The following MYO5A variants were observed in gnomAD, a reference collection of about 807,000 sequenced individuals.
MYO5A encodes myosin VA.
In MYO5A, 98 loss-of-function variants were observed where a neutral mutation model predicts 249.7. That is an observed-to-expected ratio of 0.39 (90% CI 0.33 to 0.46). MYO5A has a LOEUF of 0.46. Ranked by LOEUF, MYO5A falls within the 20% of genes least tolerant of loss-of-function variation. The probability of loss-of-function intolerance (pLI) is 0.98; values close to 1 mark genes in which losing one functional copy is unlikely to be tolerated. For missense variants in MYO5A, 1,696 were observed against 2,308.8 expected (o/e 0.73, Z 5.44); for synonymous variants, 778 against 810.6 (o/e 0.96, Z 0.68).
chr15:52,454,068 T>C (rs1374120143), intron 1 of MYO5A, among the ~76,000 whole-genome samples: 1 of 151,666 alleles, frequency 6.6e-6, no homozygotes, highest in African/African-American at 2.4e-5. Flanking sequence ...AGATATAGAG[T>C]GGCTAAATCA....
At chr15:52,406,145 T>G (rs952324659) in intron 8 of MYO5A, among the ~76,000 whole-genome samples, 2 of 152,214 alleles carry the variant, frequency 1.3e-5, no homozygotes, top group Admixed American at 6.5e-5. Flanking sequence ...TCCAGAAAAT[T>G]AGCTATAATT....
At chr15:52,471,022 C>CA (rs55650927) in intron 1 of MYO5A, among the ~76,000 whole-genome samples, 2,060 of 132,942 alleles carry the variant, frequency 0.015, 42 homozygotes, top group African/African-American at 0.054. Context: ...GACTCCATCT[C>CA]AAAAAAAAAA....
In MYO5A at chr15:52,397,575, T is replaced by C. The variant is rs1669875; in HGVS notation, c.1054-109A>G. ...ATAAAATTCAGCAATTTCTTTGTTATAACAAACACCAAGATCACTCAAAGT... is the reference window on the plus strand; with the variant it reads ...ATAAAATTCAGCAATTTCTTTGTTACAACAAACACCAAGATCACTCAAAGT... On this transcript the variant is annotated intron_variant, in intron 9 of 41. Coordinates refer to ENST00000399233, the MANE Select transcript of MYO5A (RefSeq NM_001382347.1). 0.067 allele frequency: 85,646 copies of C among 1,272,826 alleles called. 3,186 individuals carry two copies. The highest frequency in any genetic ancestry group is 0.099 in the South Asian group (8,133 of 81,844). 78.8% of individuals were successfully genotyped at this position (1,272,826 alleles called of 1,614,324 possible).
At chr15:52,360,616 G>A (rs2040471668) in intron 24 of MYO5A, among the ~76,000 whole-genome samples, 1 of 152,154 alleles carries the variant, frequency 6.6e-6, no homozygotes, top group Non-Finnish European at 1.5e-5. Context: ...AGTGAGCAGT[G>A]GGCAGGATGG....
chr15:52,385,511 C>T (rs2141141680), intron 14 of MYO5A, among the ~76,000 whole-genome samples: 1 of 152,022 alleles, frequency 6.6e-6, no homozygotes, highest in East Asian at 1.9e-4. Flanking sequence ...CAGAAGATTT[C>T]TTTATGGTGG....
At chr15:52,457,258 A>G (rs2076136470) in intron 1 of MYO5A, among the ~76,000 whole-genome samples, 1 of 152,168 alleles carries the variant, frequency 6.6e-6, no homozygotes, top group South Asian at 2.1e-4. Context: ...CCTGGGCAAC[A>G]TGGCGAAACC....
chr15:52,428,629 C>T, intron 2 of MYO5A, 60 bp from the exon 3 acceptor site: 24 of 1,575,186 alleles, frequency 1.5e-5, no homozygotes, highest in Non-Finnish European at 2.1e-5. Flanking sequence ...GAAAGAGGCC[C>T]ATGCATTTTG....
intron 1 of MYO5A, among the ~76,000 whole-genome samples, chr15:52,484,111 G>C (rs2076770930): frequency 6.6e-6 from 1 of 152,144 alleles, no homozygotes; most frequent in African/African-American, 2.4e-5. Context: ...CTAATCTTAG[G>C]ATCCTCATGT....
intron 1 of MYO5A, among the ~76,000 whole-genome samples, chr15:52,519,671 A>G (rs2077573931): frequency 6.6e-6 from 1 of 151,920 alleles, no homozygotes; most frequent in Non-Finnish European, 1.5e-5. Flanking sequence ...TGAAGACTGA[A>G]TAAATTTTCA....
intron 1 of MYO5A, among the ~76,000 whole-genome samples, chr15:52,492,119 G>C (rs2076946874): frequency 6.6e-6 from 1 of 152,128 alleles, no homozygotes; most frequent in Non-Finnish European, 1.5e-5. Flanking sequence ...TGGTTTTGTG[G>C]TCATACATAG....
At chr15:52,468,544 C>T (rs554933642) in intron 1 of MYO5A, among the ~76,000 whole-genome samples, 32 of 151,610 alleles carry the variant, frequency 2.1e-4, no homozygotes, top group Non-Finnish European at 4.1e-4. Flanking sequence ...GTGGTGTGCA[C>T]CTGTAGTTCC....
intron 1 of MYO5A, among the ~76,000 whole-genome samples, chr15:52,469,544 AGAG>A (rs1357491751): frequency 5.3e-5 from 8 of 152,174 alleles, no homozygotes; most frequent in Non-Finnish European, 8.8e-5. Flanking sequence ...CAGCAGAGAT[AGAG>A]GAGACAGAAG....
chr15:52,479,460 A>AGT (rs2076670975), intron 1 of MYO5A, among the ~76,000 whole-genome samples: 1 of 152,156 alleles, frequency 6.6e-6, no homozygotes, highest in Non-Finnish European at 1.5e-5. Flanking sequence ...AAAATTTTCC[A>AGT]ATATATTTAT....
intron 22 of MYO5A, among the ~76,000 whole-genome samples, chr15:52,368,326 T>C (rs768239440): frequency 1.3e-5 from 2 of 152,174 alleles, no homozygotes; most frequent in African/African-American, 2.4e-5. Context: ...CAGCTCTCTG[T>C]GGGCTTTCAG....
At chr15:52,348,737 T>C (rs1450328045) in intron 29 of MYO5A, 81 bp downstream of exon 29, 1 of 1,175,858 alleles carries the variant, frequency 8.5e-7, no homozygotes, top group Non-Finnish European at 1.2e-6. Context: ...AAGCATCAAT[T>C]GCCTTTATTG....
intron 1 of MYO5A, among the ~76,000 whole-genome samples, chr15:52,501,144 T>C (rs1270371196): frequency 2.6e-5 from 4 of 152,068 alleles, no homozygotes; most frequent in Non-Finnish European, 5.9e-5. Context: ...TAATTTTTTT[T>C]GTATTTTTAG....
chr15:52,451,601 T>C (rs138978529), intron 1 of MYO5A, among the ~76,000 whole-genome samples: 2 of 152,290 alleles, frequency 1.3e-5, no homozygotes, highest in East Asian at 3.9e-4. Flanking sequence ...CCCTACTACC[T>C]CACTGCTTAG....
intron 1 of MYO5A, among the ~76,000 whole-genome samples, chr15:52,513,431 TA>T (rs200250201): frequency 1.4e-3 from 161 of 118,972 alleles, no homozygotes; most frequent in African/African-American, 1.5e-3. Context: ...AACTCCATCT[TA>T]AAAAAAAAAA....
intron 9 of MYO5A, among the ~76,000 whole-genome samples, chr15:52,402,453 T>G (rs2042804330): frequency 6.6e-6 from 1 of 152,170 alleles, no homozygotes; most frequent in African/African-American, 2.4e-5. Context: ...TGTAGCTCAC[T>G]TGGCTATGAA....
Sources: allele counts gnomAD v4.1 joint callset (sites outside exome capture counted in the v4.1 genomes callset), GRCh38; gene constraint gnomAD v4.1.1; transcripts MANE v1.5; gene names NCBI Gene and HGNC (gene_info 2026-07-23, HGNC 2026-07-21).